Variants in GHR observed in about 807,000 individuals in gnomAD.
GHR encodes GH receptor.
In GHR, 35 loss-of-function variants were observed where a neutral mutation model predicts 67.1. The ratio of observed to expected loss-of-function variants is 0.52; its 90% CI spans 0.40 to 0.69. The LOEUF is 0.69. Ranked by LOEUF, GHR falls within the 30% of genes least tolerant of loss-of-function variation. GHR has a pLI of 0.00. For synonymous variants in GHR, 272 were observed against 269.1 expected, an observed-to-expected ratio of 1.01 and a Z score of -0.10; for missense variants, 792 against 764.6, an observed-to-expected ratio of 1.04 and a Z score of -0.42.
At chr5:42,483,119 A>C (rs1406042218) in intron 1 of GHR, among the ~76,000 whole-genome samples, 1 of 152,122 alleles carries the variant, frequency 6.6e-6, no homozygotes, top group Non-Finnish European at 1.5e-5. Context: ...TCCAGGCTGG[A>C]GTGCAGTGGT....
At chr5:42,712,781 T>A (rs1382663575) in intron 7 of GHR, among the ~76,000 whole-genome samples, 1 of 151,938 alleles carries the variant, frequency 6.6e-6, no homozygotes, top group Non-Finnish European at 1.5e-5. Flanking sequence ...TCATACAAAG[T>A]ATACTAAAAC....
intron 4 of GHR, among the ~76,000 whole-genome samples, chr5:42,690,385 GTGAGGATCATA>G (rs1328874875): frequency 6.6e-6 from 1 of 152,170 alleles, no homozygotes; most frequent in Non-Finnish European, 1.5e-5. Context: ...ATGACTTCTT[GTGAGGATCATA>G]TGAGATAACC....
chr5:42,677,427 G>C (rs1756624075), intron 3 of GHR, among the ~76,000 whole-genome samples: 1 of 152,010 alleles, frequency 6.6e-6, no homozygotes, highest in Non-Finnish European at 1.5e-5. Flanking sequence ...TTGTTTCTCA[G>C]GAAAACATAG....
In GHR at chr5:42,642,667, G is replaced by A. The variant is rs1330602432; in HGVS notation, c.136+13564G>A. On this transcript the variant is annotated intron_variant, in intron 3 of 9. Transcript: ENST00000230882. ...AATTGAACTTCATTGCTGGAGCTTAGGCATTTCATATTTGTTTCCTAAGCT... is the reference window on the plus strand; with the variant it reads ...AATTGAACTTCATTGCTGGAGCTTAAGCATTTCATATTTGTTTCCTAAGCT... Among the ~76,000 whole-genome samples the A allele has an allele frequency of 3.3e-5, 5 of 152,260 alleles. No individual in the cohort carries two copies. The South Asian group carries it at 8.3e-4, about 25-fold the overall frequency.
chr5:42,660,776 G>A (rs1052589438), intron 3 of GHR, among the ~76,000 whole-genome samples: 8 of 152,234 alleles, frequency 5.3e-5, no homozygotes, highest in Admixed American at 1.3e-4. Flanking sequence ...ACTTTGACGA[G>A]CTGAGAGAAG....
Position 42,589,358 on chromosome 5 carries a change from G to A in GHR, c.70+23414G>A, listed in dbSNP as rs181469944. Among the ~76,000 whole-genome samples, 130 of 152,198 alleles carry A rather than the reference G, an allele frequency of 8.5e-4. 1 individual carries two copies. Among genetic ancestry groups the A allele is most frequent in the Admixed American group, 2.2e-3 (33 of 15,290 alleles). ...GAAAATATGCCCTATTGTCCTATTG[G>A]CTTTATACTAAAGTTTTATTAATAC... On this transcript the variant is annotated intron_variant, in intron 2 of 9. Transcript: ENST00000230882.
At chr5:42,586,431 T>A (rs1751478470) in intron 2 of GHR, among the ~76,000 whole-genome samples, 1 of 152,244 alleles carries the variant, frequency 6.6e-6, no homozygotes, top group Non-Finnish European at 1.5e-5. Flanking sequence ...TTTAACTTTG[T>A]AATGGATTAT....
chr5:42,466,723 T>C (rs182326421), intron 1 of GHR, among the ~76,000 whole-genome samples: 80 of 152,366 alleles, frequency 5.3e-4, no homozygotes, highest in African/African-American at 1.4e-3. Context: ...TTAAATTAAC[T>C]GCTGAAATGT....
At chr5:42,684,672 T>C (rs1329665607) in intron 3 of GHR, among the ~76,000 whole-genome samples, 2 of 152,174 alleles carry the variant, frequency 1.3e-5, no homozygotes, top group Non-Finnish European at 2.9e-5. Flanking sequence ...GCTGCCCATC[T>C]GCCCTCAGTA....
chr5:42,467,415 G>A, intron 1 of GHR: 4 of 929,198 alleles, frequency 4.3e-6, no homozygotes, highest in Non-Finnish European at 7.0e-6. Context: ...TCCTCTGGTG[G>A]ACAATATGGT....
At chr5:42,704,559 T>C (rs1579645833) in intron 6 of GHR, among the ~76,000 whole-genome samples, 1 of 152,152 alleles carries the variant, frequency 6.6e-6, no homozygotes, top group South Asian at 2.1e-4. Context: ...AGGGTAATGC[T>C]AGCATCAAGA....
intron 1 of GHR, among the ~76,000 whole-genome samples, chr5:42,530,286 G>T (rs1265607514): frequency 6.6e-6 from 1 of 152,098 alleles, no homozygotes; most frequent in Non-Finnish European, 1.5e-5. Flanking sequence ...AAGAAAAATT[G>T]TCATGCAGCT....
intron 2 of GHR, among the ~76,000 whole-genome samples, chr5:42,608,041 A>T (rs1026833845): frequency 2.0e-5 from 3 of 152,232 alleles, no homozygotes; most frequent in African/African-American, 4.8e-5. Flanking sequence ...CTAGGAATTC[A>T]TTCAAAAGAC....
chr5:42,426,903 T>G (rs1233519116), intron 1 of GHR, among the ~76,000 whole-genome samples: 1 of 152,230 alleles, frequency 6.6e-6, no homozygotes, highest in African/African-American at 2.4e-5. Context: ...TATCTCTTAT[T>G]GGAAATAATC....
chr5:42,503,086 G>A (rs1274747849), intron 1 of GHR, among the ~76,000 whole-genome samples: 2 of 152,066 alleles, frequency 1.3e-5, no homozygotes, highest in Non-Finnish European at 2.9e-5. Flanking sequence ...CTGATTACCG[G>A]GGTCTCTGAG....
At chr5:42,576,332 A>G (rs1347550212) in intron 2 of GHR, among the ~76,000 whole-genome samples, 1 of 151,974 alleles carries the variant, frequency 6.6e-6, no homozygotes, top group East Asian at 1.9e-4. Flanking sequence ...ATGTATTGAG[A>G]TTACTACACA....
chr5:42,675,131 C>T (rs1366461335), intron 3 of GHR, among the ~76,000 whole-genome samples: 1 of 152,156 alleles, frequency 6.6e-6, no homozygotes, highest in Non-Finnish European at 1.5e-5. Flanking sequence ...GTATAATTGT[C>T]TTTGACATCT....
At chr5:42,628,371 G>T (rs1753807634) in intron 2 of GHR, among the ~76,000 whole-genome samples, 1 of 143,106 alleles carries the variant, frequency 7.0e-6, no homozygotes, top group Non-Finnish European at 1.5e-5. Context: ...CCTGTCTCCT[G>T]TCCATATCAC....
intron 1 of GHR, among the ~76,000 whole-genome samples, chr5:42,523,683 C>T (rs1384893825): frequency 6.6e-6 from 1 of 152,048 alleles, no homozygotes; most frequent in Non-Finnish European, 1.5e-5. Flanking sequence ...AAATTAGGAG[C>T]GTTAATAATG....
Sources: gnomAD v4.1 joint callset for allele counts (sites outside exome capture counted in the v4.1 genomes callset) on GRCh38, gnomAD v4.1.1 for gene constraint, MANE v1.5 for transcripts, NCBI Gene and HGNC (gene_info 2026-07-23, HGNC 2026-07-21) for gene names.